TRHDE: variants seen among roughly 807,000 people sequenced by gnomAD.
The protein encoded by TRHDE is thyrotropin-releasing hormone-degrading ectoenzyme.
TRHDE carries 72 observed loss-of-function variants against 125.7 expected under a neutral mutation model. The observed-to-expected ratio is 0.57, with a 90% CI of 0.47 to 0.70. The LOEUF is 0.70. Among genes scored for constraint, TRHDE ranks in the 30% least tolerant of loss-of-function variants. TRHDE has a pLI of 0.00. For synonymous variants in TRHDE, 509 were observed against 509.1 expected (o/e 1.00, Z 0.00); for missense variants, 1,110 against 1,327.1 (o/e 0.84, Z 2.54).
chr12:72,649,034 AC>A (rs1874396764), intron 15 of TRHDE, among the ~76,000 whole-genome samples: 1 of 152,040 alleles, frequency 6.6e-6, no homozygotes, highest in African/African-American at 2.4e-5. Context: ...TAAAAAAAAA[AC>A]AATTCTACAA....
chr12:72,482,527 A>G (rs930210952), intron 5 of TRHDE, among the ~76,000 whole-genome samples: 2 of 151,870 alleles, frequency 1.3e-5, no homozygotes, highest in Non-Finnish European at 3.0e-5. Flanking sequence ...TGGCCATTTC[A>G]TTAGATTTTT....
intron 12 of TRHDE, among the ~76,000 whole-genome samples, chr12:72,600,767 CACATCTATTT>C (rs765530913): frequency 2.1e-4 from 32 of 152,114 alleles, no homozygotes; most frequent in Admixed American, 7.9e-4. Context: ...TGGATGACAA[CACATCTATTT>C]ACAGAATGGT....
chr12:72,140,942 C>A (rs1035883213), intron 2 of TRHDE, among the ~76,000 whole-genome samples: 1 of 152,056 alleles, frequency 6.6e-6, no homozygotes, highest in Middle Eastern at 3.4e-3. Flanking sequence ...TGAAAACAAT[C>A]AGAAAACTCC....
At chr12:72,232,152 G>A (rs1878259008) in intron 2 of TRHDE, among the ~76,000 whole-genome samples, 1 of 152,152 alleles carries the variant, frequency 6.6e-6, no homozygotes, top group Non-Finnish European at 1.5e-5. Flanking sequence ...AGGCCATGCA[G>A]GGCAACATGG....
chr12:72,183,468 A>G (rs770084999), intron 2 of TRHDE, among the ~76,000 whole-genome samples: 26 of 152,222 alleles, frequency 1.7e-4, no homozygotes, highest in Non-Finnish European at 5.9e-5. Flanking sequence ...AATTGCTGTG[A>G]ATACATTTGT....
intron 3 of TRHDE, among the ~76,000 whole-genome samples, chr12:72,421,252 G>A (rs1481758262): frequency 6.6e-6 from 1 of 152,132 alleles, no homozygotes; most frequent in African/African-American, 2.4e-5. Context: ...GCTCCACACT[G>A]TCTAAGGCTT....
chr12:72,521,467 T>C (rs1260258147), intron 6 of TRHDE, among the ~76,000 whole-genome samples: 1 of 151,862 alleles, frequency 6.6e-6, no homozygotes. Context: ...TCGCAGCAAT[T>C]CTGAGAAACA....
intron 2 of TRHDE, among the ~76,000 whole-genome samples, chr12:72,122,091 G>A (rs534914017): frequency 6.6e-6 from 1 of 151,956 alleles, no homozygotes; most frequent in East Asian, 1.9e-4. Flanking sequence ...GAGAAATGAG[G>A]GTTCTAGTTT....
intron 2 of TRHDE, among the ~76,000 whole-genome samples, chr12:72,125,983 A>C (rs572121648): frequency 6.6e-6 from 1 of 152,152 alleles, no homozygotes; most frequent in Non-Finnish European, 1.5e-5. Flanking sequence ...TGAGCCACAA[A>C]AATAAAACAA....
At chr12:72,222,906 A>G (rs1304837384) in intron 2 of TRHDE, among the ~76,000 whole-genome samples, 1 of 152,120 alleles carries the variant, frequency 6.6e-6, no homozygotes, top group Non-Finnish European at 1.5e-5. Flanking sequence ...ATTTGTTGCC[A>G]TCTGACCCCT....
At chr12:72,410,965 G>A (rs1873474651) in intron 3 of TRHDE, among the ~76,000 whole-genome samples, 1 of 151,914 alleles carries the variant, frequency 6.6e-6, no homozygotes, top group Admixed American at 6.6e-5. Flanking sequence ...GGCCAAGGTG[G>A]GTGGATCACG....
At chr12:72,598,576 G>T (rs976294763) in intron 12 of TRHDE, among the ~76,000 whole-genome samples, 5 of 152,084 alleles carry the variant, frequency 3.3e-5, no homozygotes, top group African/African-American at 1.2e-4. Flanking sequence ...TCTAAGTAGT[G>T]GGGCATGGAA....
intron 2 of TRHDE, among the ~76,000 whole-genome samples, chr12:72,129,144 G>C (rs1490583599): frequency 1.3e-5 from 2 of 151,982 alleles, no homozygotes; most frequent in Admixed American, 6.6e-5. Flanking sequence ...AAGTCCACTT[G>C]GAACTCTATA....
intron 2 of TRHDE, among the ~76,000 whole-genome samples, chr12:72,376,688 T>G (rs1342837446): frequency 6.6e-6 from 1 of 152,202 alleles, no homozygotes; most frequent in Non-Finnish European, 1.5e-5. Context: ...CACACATTTC[T>G]GTTCTCTCTC....
At chr12:72,236,726 G>A (rs1008363205) in intron 2 of TRHDE, among the ~76,000 whole-genome samples, 29 of 152,132 alleles carry the variant, frequency 1.9e-4, no homozygotes, top group Non-Finnish European at 5.9e-5. Context: ...ACCATCCACA[G>A]CCTTTTAGAT....
intron 2 of TRHDE, among the ~76,000 whole-genome samples, chr12:72,259,559 G>C (rs960766521): frequency 6.6e-6 from 1 of 152,122 alleles, no homozygotes; most frequent in African/African-American, 2.4e-5. Flanking sequence ...GATACATACA[G>C]ACACACACTT....
chr12:72,155,629 A>C (rs2139324617), intron 2 of TRHDE, among the ~76,000 whole-genome samples: 1 of 152,290 alleles, frequency 6.6e-6, no homozygotes, highest in Non-Finnish European at 1.5e-5. Flanking sequence ...CCTCAGCTGC[A>C]GGTGTATTGG....
chr12:72,188,529 A>T (rs1877273432), intron 2 of TRHDE, among the ~76,000 whole-genome samples: 1 of 152,222 alleles, frequency 6.6e-6, no homozygotes, highest in Non-Finnish European at 1.5e-5. Context: ...CTTCAAGAGC[A>T]CTGTAGGCTA....
At position 72,619,029 on chromosome 12, in the gene TRHDE, C is replaced by A; in HGVS notation, c.2460C>A (p.Asn820Lys). 1 of 1,552,330 alleles carries A rather than the reference C, an allele frequency of 6.4e-7. No homozygotes were observed. Among genetic ancestry groups the A allele is most frequent in the South Asian group, 1.2e-5 (1 of 80,088 alleles). Residue 820 changes from asparagine to lysine, a missense_variant, in exon 13 of 19, where the codon AAC (asparagine) becomes AAA (lysine). Coordinates refer to ENST00000261180, the MANE Select transcript of TRHDE (RefSeq NM_013381.3). Reference protein sequence around the residue: ...DKLLDRMENYNIFNEYILKQV... With the variant: ...DKLLDRMENYKIFNEYILKQV... ...TACTGGACCGCATGGAAAACTACAACATTTTCAATGTAAAAAGATATAATT... is the reference window on the plus strand; with the variant it reads ...TACTGGACCGCATGGAAAACTACAAAATTTTCAATGTAAAAAGATATAATT...
Sources: gnomAD v4.1 joint callset for allele counts (sites outside exome capture counted in the v4.1 genomes callset) on GRCh38, gnomAD v4.1.1 for gene constraint, MANE v1.5 for transcripts, NCBI Gene and HGNC (gene_info 2026-07-23, HGNC 2026-07-21) for gene names.